IDO2: variants seen among roughly 807,000 people sequenced by gnomAD.
IDO2 encodes indoleamine 2,3-dioxygenase 2.
A neutral mutation model predicts 45.1 loss-of-function variants in IDO2; 46 were observed. The ratio of observed to expected loss-of-function variants is 1.02; its 90% CI spans 0.80 to 1.30. IDO2 has a LOEUF of 1.30. Ranked by LOEUF, IDO2 falls within the 50% of genes most tolerant of loss-of-function variation. The pLI, the probability that IDO2 is intolerant of heterozygous loss-of-function variation, is 0.00. For synonymous variants in IDO2, 218 were observed against 184.9 expected, an observed-to-expected ratio of 1.18 and a Z score of -1.45; for missense variants, 544 against 491.8, an observed-to-expected ratio of 1.11 and a Z score of -1.00.
Position 39,963,718 on chromosome 8 carries a change from A to AC in IDO2, c.195+20dup. 2 of 1,457,678 alleles carry AC rather than the reference A, an allele frequency of 1.4e-6. No homozygotes were observed. Among genetic ancestry groups the AC allele is most frequent in the South Asian group, 1.2e-5 (1 of 84,968 alleles). The allele number at this position is 1,457,678 out of a possible 1,614,324, so 90.3% of individuals were successfully genotyped here. A position where few individuals can be genotyped will look rare whatever the true frequency, so the allele number is the denominator to read the frequency against. On this transcript the variant is annotated intron_variant, in intron 3 of 10. Coordinates refer to ENST00000502986, the Ensembl canonical transcript of IDO2. Reference sequence around the variant, plus strand: ...ATGTGGACAAGGTATTCTTCTCTTCACCCCCTCATCACATTCTGTTTTCAT... The same window carrying AC: ...ATGTGGACAAGGTATTCTTCTCTTCACCCCCCTCATCACATTCTGTTTTCAT...
At chr8:39,966,356 T>C (rs1467038219) in intron 3 of IDO2, among the ~76,000 whole-genome samples, 2 of 152,072 alleles carry the variant, frequency 1.3e-5, no homozygotes, top group Admixed American at 6.6e-5. Context: ...GCCTGGAAAA[T>C]ACCTAACAAA....
In IDO2 at chr8:39,951,878, A is replaced by G. The variant is rs894142405; in HGVS notation, c.99+2614A>G. On this transcript the variant is annotated intron_variant, in intron 2 of 10. Transcript: ENST00000502986. The stretch of plus-strand genomic sequence containing the variant: ...TCCCCTCTTTGTTCTTTCCTCTTTC[A>G]TAACTACGGAAACAGATGAGAAACA... Among the ~76,000 whole-genome samples, 8 of 152,218 alleles carry G rather than the reference A, an allele frequency of 5.3e-5. 1 individual carries two copies. The highest frequency in any genetic ancestry group is 1.7e-4 in the African/African-American group (7 of 41,456).
At chr8:39,977,847 G>C (rs1808285001) in intron 3 of IDO2, among the ~76,000 whole-genome samples, 1 of 152,022 alleles carries the variant, frequency 6.6e-6, no homozygotes, top group Non-Finnish European at 1.5e-5. Flanking sequence ...TACATTTATG[G>C]GGTACATGAG....
At chr8:39,955,666 G>T (rs564834244) in intron 2 of IDO2, among the ~76,000 whole-genome samples, 21 of 151,916 alleles carry the variant, frequency 1.4e-4, no homozygotes, top group African/African-American at 5.1e-4. Context: ...TACCCATCCC[G>T]CAAGGAAGAA....
intron 2 of IDO2, among the ~76,000 whole-genome samples, chr8:39,956,379 T>G (rs1311802614): frequency 6.6e-6 from 1 of 152,204 alleles, no homozygotes; most frequent in Non-Finnish European, 1.5e-5. Flanking sequence ...TGCCTTCTCA[T>G]GCTTTTCTGT....
At chr8:39,949,102 T>C (rs941164274) in intron 1 of IDO2, 47 bp from the exon 2 acceptor site, 2 of 1,555,762 alleles carry the variant, frequency 1.3e-6, no homozygotes, top group African/African-American at 2.7e-5. Flanking sequence ...ACCTGGGTGT[T>C]TAATTTATTA....
intron 3 of IDO2, among the ~76,000 whole-genome samples, chr8:39,965,988 G>A (rs967623623): frequency 3.0e-4 from 45 of 150,512 alleles, no homozygotes; most frequent in Non-Finnish European, 4.9e-4. Flanking sequence ...TTATGGCAGC[G>A]CATAAAACTA....
exon 11 of IDO2, chr8:40,015,347 A>C (rs2981161): frequency 1 from 1,607,277 of 1,613,666 alleles, 800,645 homozygotes; most frequent in East Asian, 1. Flanking sequence ...ACATCCTGTC[A>C]TCTGGACAGG....
At chr8:39,947,240 T>C (rs1313219614) in intron 1 of IDO2, among the ~76,000 whole-genome samples, 6 of 150,678 alleles carry the variant, frequency 4.0e-5, no homozygotes, top group African/African-American at 1.5e-4. Context: ...CTGTAAAATG[T>C]AAAGTAGATA....
chr8:39,965,191 T>C (rs1808066686), intron 3 of IDO2, among the ~76,000 whole-genome samples: 1 of 152,156 alleles, frequency 6.6e-6, no homozygotes, highest in Non-Finnish European at 1.5e-5. Flanking sequence ...ACCTAACATT[T>C]GTACTGGGTT....
intron 7 of IDO2, 36 bp from the exon 8 acceptor site, chr8:39,989,685 G>A (rs373739322): frequency 4.3e-6 from 6 of 1,396,502 alleles, no homozygotes; most frequent in Non-Finnish European, 5.9e-6. Context: ...CTTTAAGGGA[G>A]TGCTAATAAG....
intron 5 of IDO2, 141 bp downstream of exon 5, chr8:39,982,911 A>G (rs937898884): frequency 1.8e-5 from 10 of 565,428 alleles, no homozygotes; most frequent in South Asian, 1.6e-4. Flanking sequence ...AAAAATTCAA[A>G]TATCACAGGC....
chr8:39,951,973 C>T (rs73619569), intron 2 of IDO2, among the ~76,000 whole-genome samples: 96 of 152,308 alleles, frequency 6.3e-4, no homozygotes, highest in African/African-American at 2.2e-3. Flanking sequence ...AATGTCCATT[C>T]CTGAGCTTAT....
chr8:39,995,889 C>G (rs1290511265), intron 8 of IDO2, among the ~76,000 whole-genome samples: 1 of 152,144 alleles, frequency 6.6e-6, no homozygotes, highest in Non-Finnish European at 1.5e-5. Context: ...ACGCCCGCGT[C>G]TGGGAAGATG....
At chr8:40,005,966 C>T (rs1802214587) in intron 9 of IDO2, among the ~76,000 whole-genome samples, 2 of 152,072 alleles carry the variant, frequency 1.3e-5, no homozygotes, top group Admixed American at 6.6e-5. Flanking sequence ...TTCACTTGGC[C>T]CTTTTTGCTC....
chr8:39,973,722 G>A (rs1265359067), intron 3 of IDO2, among the ~76,000 whole-genome samples: 1 of 135,110 alleles, frequency 7.4e-6, no homozygotes, highest in Non-Finnish European at 1.5e-5. Context: ...AAAATCATGG[G>A]TTTTCTTGTG....
intron 3 of IDO2, among the ~76,000 whole-genome samples, chr8:39,966,135 TCTC>T (rs1278356208): frequency 2.0e-5 from 3 of 149,174 alleles, no homozygotes; most frequent in African/African-American, 7.4e-5. Context: ...TTCAAGCAAT[TCTC>T]CTGCCTCAGC....
chr8:39,980,157 G>A (rs1240280609), intron 4 of IDO2, among the ~76,000 whole-genome samples: 1 of 152,130 alleles, frequency 6.6e-6, no homozygotes, highest in Non-Finnish European at 1.5e-5. Context: ...AAACCTCACA[G>A]CATTTTGTAC....
intron 2 of IDO2, among the ~76,000 whole-genome samples, chr8:39,951,711 A>T (rs538051879): frequency 1.1e-4 from 16 of 152,330 alleles, no homozygotes; most frequent in Non-Finnish European, 2.2e-4. Context: ...CTATACATCT[A>T]ACCCAATTCA....
Sources: gnomAD v4.1 joint callset for allele counts (sites outside exome capture counted in the v4.1 genomes callset) on GRCh38, gnomAD v4.1.1 for gene constraint, MANE v1.5 for transcripts, NCBI Gene and HGNC (gene_info 2026-07-23, HGNC 2026-07-21) for gene names.